Variants in SLC6A2 observed in about 807,000 individuals in gnomAD.
The protein encoded by SLC6A2 is sodium-dependent noradrenaline transporter.
SLC6A2 carries 26 observed loss-of-function variants against 71.7 expected under a neutral mutation model. The ratio of observed to expected loss-of-function variants is 0.36; its 90% CI spans 0.27 to 0.50. SLC6A2 has a LOEUF of 0.50. Ranked by LOEUF, SLC6A2 falls within the 20% of genes least tolerant of loss-of-function variation. The pLI is 0.96. For synonymous variants in SLC6A2, 363 were observed against 337.9 expected (o/e 1.07, Z -0.82); for missense variants, 581 against 803.9 (o/e 0.72, Z 3.35).
rs760289015 is a variant in SLC6A2, at chr16:55,695,260, C to T, written c.1023-18C>T. On this transcript the variant is annotated intron_variant, in intron 7 of 14. Coordinates refer to ENST00000568943, the MANE Select transcript of SLC6A2 (RefSeq NM_001172501.3). Reference sequence around the variant, plus strand: ...GAGGGTGTCAAGGGACTTGACCTCACTGTGCTTCTTCCCCCAGGGATGCCC... The same window carrying T: ...GAGGGTGTCAAGGGACTTGACCTCATTGTGCTTCTTCCCCCAGGGATGCCC... The T allele has an allele frequency of 2.8e-5, 45 of 1,613,914 alleles. No individual in the cohort carries two copies. Among genetic ancestry groups the T allele is most frequent in the Non-Finnish European group, 3.5e-5 (41 of 1,179,990 alleles).
intron 4 of SLC6A2, among the ~76,000 whole-genome samples, chr16:55,676,793 A>G (rs1056295078): frequency 1.3e-5 from 2 of 152,228 alleles, no homozygotes; most frequent in Non-Finnish European, 1.5e-5. Context: ...GAAAACAGGC[A>G]CAAATCAGTA....
Position 55,702,483 on chromosome 16 carries a change from T to A in SLC6A2, c.*137T>A. 1 of 1,560,836 alleles carries A rather than the reference T, an allele frequency of 6.4e-7. No individual in the cohort carries two copies. The highest frequency in any genetic ancestry group is 8.7e-7 in the Non-Finnish European group (1 of 1,151,242). On this transcript the variant is annotated 3_prime_UTR_variant, in exon 15 of 15. Transcript: ENST00000568943. ...TCTGATCCTCTCTTCTTTTCCCATTTACAAATGATTTCGTGACTGTAGTTT... is the reference window on the plus strand; with the variant it reads ...TCTGATCCTCTCTTCTTTTCCCATTAACAAATGATTTCGTGACTGTAGTTT...
chr16:55,664,286 C>T (rs1964689131), intron 2 of SLC6A2, among the ~76,000 whole-genome samples: 2 of 152,328 alleles, frequency 1.3e-5, no homozygotes, highest in South Asian at 4.1e-4. Flanking sequence ...TGCCATCCTT[C>T]ATGCAGCACT....
intron 5 of SLC6A2, among the ~76,000 whole-genome samples, chr16:55,691,230 G>A (rs1325584012): frequency 6.5e-5 from 3 of 46,444 alleles, no homozygotes; most frequent in South Asian, 1.0e-3. Context: ...GGGGAGAGGG[G>A]GAGAGAGAGA....
At position 55,692,051 on chromosome 16, in the gene SLC6A2, C is replaced by A; in HGVS notation, c.917C>A (p.Thr306Lys). 1 of 1,614,154 alleles carries A rather than the reference C, an allele frequency of 6.2e-7. No homozygotes were observed. The highest frequency in any genetic ancestry group is 2.2e-5 in the East Asian group (1 of 44,868). Residue 306 changes from threonine (T) to lysine (K), a missense_variant and splice_region_variant, in exon 6 of 15, where the codon ACG (threonine) becomes AAG (lysine). Transcript: ENST00000568943. ...GACTTCTACCGCTTGAAAGAGGCCA[C>A]GGTCAGTGCTCAGTGACCACCAAGC... ...HIDFYRLKEA[T>K]VWIDAATQIF...
At chr16:55,660,845 A>G (rs1187067003) in intron 2 of SLC6A2, among the ~76,000 whole-genome samples, 2 of 152,194 alleles carry the variant, frequency 1.3e-5, no homozygotes, top group Admixed American at 6.5e-5. Flanking sequence ...AACCTCTGCA[A>G]TTCTGACTGT....
In SLC6A2 at chr16:55,692,003, G is replaced by T; in HGVS notation, c.869G>T (p.Gly290Val). 6.2e-7 allele frequency: 1 copy of T among 1,614,182 alleles called. No individual in the cohort carries two copies. Residue 290 changes from glycine (G) to valine (V), a missense_variant, in exon 6 of 15, where the codon GGC (glycine) becomes GTC (valine). Gly to Val is a moderately radical substitution (Grantham distance 109). Transcript: ENST00000568943. ...GTCACGCTGCCCGGAGCCTCCAATG[G>T]CATCAATGCCTACCTGCACATCGAC... ...HGVTLPGASN[G>V]INAYLHIDFY...
At chr16:55,673,994 A>C (rs546916343) in intron 4 of SLC6A2, among the ~76,000 whole-genome samples, 67 of 152,284 alleles carry the variant, frequency 4.4e-4, no homozygotes, top group African/African-American at 1.6e-3. Context: ...CGTAGTCTTA[A>C]TTCATAACTA....
At chr16:55,698,213 G>T (rs577724770) in intron 10 of SLC6A2, among the ~76,000 whole-genome samples, 188 bp downstream of exon 10, 2 of 152,242 alleles carry the variant, frequency 1.3e-5, no homozygotes, top group East Asian at 1.9e-4. Context: ...TGATGCTGAG[G>T]ATTCCATTCA....
chr16:55,678,915 T>C (rs1965180509), intron 4 of SLC6A2, among the ~76,000 whole-genome samples: 1 of 152,168 alleles, frequency 6.6e-6, no homozygotes, highest in South Asian at 2.1e-4. Flanking sequence ...GGGTGTAAGC[T>C]TGGGAGTCCA....
chr16:55,701,163 G>T (rs1331108344), intron 13 of SLC6A2, among the ~76,000 whole-genome samples: 1 of 152,140 alleles, frequency 6.6e-6, no homozygotes, highest in Non-Finnish European at 1.5e-5. Context: ...TAAACAAAAT[G>T]AGGATGGAAG....
At chr16:55,701,701 C>T (rs1965975782) in intron 13 of SLC6A2, among the ~76,000 whole-genome samples, 162 bp from the exon 14 acceptor site, 1 of 152,242 alleles carries the variant, frequency 6.6e-6, no homozygotes, top group East Asian at 1.9e-4. Context: ...AATGGACCAG[C>T]TCCACAAACA....
intron 4 of SLC6A2, among the ~76,000 whole-genome samples, chr16:55,674,402 T>C (rs42214): frequency 0.087 from 13,295 of 152,198 alleles, 705 homozygotes; most frequent in East Asian, 0.14. Context: ...TTCCATGGTA[T>C]ATATGTACCA....
intron 9 of SLC6A2, among the ~76,000 whole-genome samples, chr16:55,697,000 C>A (rs1354008584): frequency 6.6e-6 from 1 of 152,170 alleles, no homozygotes; most frequent in Non-Finnish European, 1.5e-5. Flanking sequence ...CCTCAAAACC[C>A]AAACGAACAA....
At position 55,657,731 on chromosome 16, in the gene SLC6A2, G is replaced by C. The variant is rs1290312085; in HGVS notation, c.274+763G>C. 4.6e-5 allele frequency among the ~76,000 whole-genome samples: 7 copies of C among 152,002 alleles called. 1 individual carries two copies. Among genetic ancestry groups the C allele is most frequent in the African/African-American group, 1.7e-4 (7 of 41,364 alleles). On this transcript the variant is annotated intron_variant, in intron 2 of 14. Coordinates refer to ENST00000568943, the MANE Select transcript of SLC6A2 (RefSeq NM_001172501.3). Reference sequence around the variant, plus strand: ...GAGGGGCCTGAAGAAGACTCCAGTGGAACAGCCACACTCTCTCCCCCTTCT... The same window carrying C: ...GAGGGGCCTGAAGAAGACTCCAGTGCAACAGCCACACTCTCTCCCCCTTCT...
At position 55,656,205 on chromosome 16, in the gene SLC6A2, T is replaced by G. The variant is rs1310647891; in HGVS notation, c.-52+36T>G. ...CCTGAGCGCGGGACAGGGCTAGGTC[T>G]GCCTGGGAGGCCCGGGCCGAGACGC... is the stretch of plus-strand genomic sequence containing the variant. On this transcript the variant is annotated intron_variant, in intron 1 of 14. Transcript: ENST00000568943. This position sits in a 1 kb window ranked among gnomAD's most constrained non-coding sequence, Gnocchi z 4.5. 4.7e-6 allele frequency: 1 copy of G among 211,076 alleles called. No homozygotes were observed. Among genetic ancestry groups the G allele is most frequent in the African/African-American group, 2.4e-5 (1 of 42,536 alleles). The allele number at this position is 211,076 out of a possible 1,614,324, so 13.1% of individuals were successfully genotyped here.
chr16:55,686,707 A>G (rs1965463637), intron 5 of SLC6A2, among the ~76,000 whole-genome samples: 1 of 152,194 alleles, frequency 6.6e-6, no homozygotes, highest in South Asian at 2.1e-4. Flanking sequence ...GATGAAATCC[A>G]TCAAGAACTG....
rs149035289 is a variant in SLC6A2 at position 55,696,304 on chromosome 16, C to T, written c.1227C>T (p.Phe409=). Residue 409 remains phenylalanine, a synonymous_variant, in exon 9 of 15, where the codon TTC becomes TTT. Coordinates refer to ENST00000568943, the MANE Select transcript of SLC6A2 (RefSeq NM_001172501.3). ...SGSTFWAVVF[F]VMLLALGLDS... ...CTACATTCTGGGCTGTTGTGTTTTT[C>T]GTCATGCTCCTGGCGCTGGGCCTTG... 23 of 1,613,152 alleles carry T rather than the reference C, an allele frequency of 1.4e-5. No homozygotes were observed. In the African/African-American group the frequency reaches 1.7e-4, roughly 12 times the overall value.
In SLC6A2 at chr16:55,704,859, G is replaced by C. The variant is rs1015792221; in HGVS notation, c.*2513G>C. On this transcript the variant is annotated 3_prime_UTR_variant, in exon 15 of 15. Coordinates refer to ENST00000568943, the MANE Select transcript of SLC6A2 (RefSeq NM_001172501.3). Reference sequence around the variant, plus strand: ...CTCCTGAATCTGGGATGGGAACCTGGCTCCAAGCCTGGGTCCCCTGGGAGG... The same window carrying C: ...CTCCTGAATCTGGGATGGGAACCTGCCTCCAAGCCTGGGTCCCCTGGGAGG... 1.1e-5 allele frequency: 2 copies of C among 175,876 alleles called. No individual in the cohort carries two copies. Among genetic ancestry groups the C allele is most frequent in the Non-Finnish European group, 2.4e-5 (2 of 83,958 alleles). 10.9% of individuals were successfully genotyped at this position (175,876 alleles called of 1,614,324 possible).
Sources: gnomAD v4.1 joint callset for allele counts (sites outside exome capture counted in the v4.1 genomes callset) on GRCh38, gnomAD v4.1.1 for gene constraint, Gnocchi (gnomAD v3.1) non-coding constraint, MANE v1.5 for transcripts, NCBI Gene and HGNC (gene_info 2026-07-23, HGNC 2026-07-21) for gene names.